Variants in AGBL4 observed in about 807,000 individuals in gnomAD.
AGBL4 encodes cytosolic carboxypeptidase 6.
AGBL4 carries 58 observed loss-of-function variants against 66.4 expected under a neutral mutation model. The observed-to-expected ratio is 0.87, with a 90% CI of 0.71 to 1.09. The LOEUF (loss-of-function observed/expected upper bound fraction) is 1.09. Ranked by LOEUF, AGBL4 falls within the 50% of genes least tolerant of loss-of-function variation. The pLI is 0.00. For missense variants in AGBL4, 579 were observed against 631.0 expected (o/e 0.92, Z 0.88); for synonymous variants, 234 against 222.9 (o/e 1.05, Z -0.44).
At chr1:49,233,201 T>C (rs891027612) in intron 4 of AGBL4, among the ~76,000 whole-genome samples, 1 of 152,188 alleles carries the variant, frequency 6.6e-6, no homozygotes, top group African/African-American at 2.4e-5. Context: ...GGGAAAAACA[T>C]GGCCTTTGGA....
At chr1:49,331,819 T>C (rs1217275906) in intron 3 of AGBL4, among the ~76,000 whole-genome samples, 3 of 151,464 alleles carry the variant, frequency 2.0e-5, no homozygotes, top group Non-Finnish European at 4.4e-5. Flanking sequence ...GCCAGACTGC[T>C]TCTTTAAGTA....
At chr1:49,206,565 C>A (rs1648148780) in intron 4 of AGBL4, among the ~76,000 whole-genome samples, 1 of 151,994 alleles carries the variant, frequency 6.6e-6, no homozygotes, top group African/African-American at 2.4e-5. Flanking sequence ...TATACATATT[C>A]TTTTGCTGCA....
At chr1:49,381,238 T>G (rs1329925430) in intron 3 of AGBL4, among the ~76,000 whole-genome samples, 1 of 151,970 alleles carries the variant, frequency 6.6e-6, no homozygotes, top group East Asian at 1.9e-4. Context: ...AAAAAACACA[T>G]GAAAAAATGC....
chr1:48,919,220 G>A (rs1240042322), intron 5 of AGBL4, among the ~76,000 whole-genome samples: 1 of 152,136 alleles, frequency 6.6e-6, no homozygotes, highest in East Asian at 1.9e-4. Context: ...TTAAGCTATG[G>A]AACTCTCTGT....
chr1:48,620,025 T>C (rs1645384891), intron 9 of AGBL4, among the ~76,000 whole-genome samples: 1 of 151,896 alleles, frequency 6.6e-6, no homozygotes, highest in Non-Finnish European at 1.5e-5. Context: ...ATACCCAAAC[T>C]CTCGGAATGA....
intron 1 of AGBL4, among the ~76,000 whole-genome samples, chr1:50,013,345 G>C (rs933118080): frequency 6.6e-6 from 1 of 152,102 alleles, no homozygotes; most frequent in African/African-American, 2.4e-5. Context: ...ACCATGTGTA[G>C]TTTCTATTAA....
chr1:49,434,649 CT>C (rs1448161124), intron 3 of AGBL4, among the ~76,000 whole-genome samples: 14 of 150,488 alleles, frequency 9.3e-5, no homozygotes, highest in Non-Finnish European at 1.6e-4. Flanking sequence ...AAATTGCTAT[CT>C]GTTCTTGTGG....
At chr1:49,515,944 T>C (rs1570929369) in intron 3 of AGBL4, among the ~76,000 whole-genome samples, 1 of 149,782 alleles carries the variant, frequency 6.7e-6, no homozygotes, top group Admixed American at 6.7e-5. Flanking sequence ...TGTTAAATGA[T>C]GAGTTAATGG....
chr1:48,668,820 G>A (rs1427170215), intron 6 of AGBL4, among the ~76,000 whole-genome samples: 1 of 152,214 alleles, frequency 6.6e-6, no homozygotes, highest in Non-Finnish European at 1.5e-5. Flanking sequence ...ATTATAGTAA[G>A]AACATGGCCA....
intron 4 of AGBL4, among the ~76,000 whole-genome samples, chr1:49,046,846 G>A (rs748495340): frequency 1.3e-5 from 2 of 152,178 alleles, no homozygotes; most frequent in Non-Finnish European, 2.9e-5. Flanking sequence ...AGGAAGGGAT[G>A]CTCCTGGGGA....
chr1:48,996,817 C>CCCTCCCTTCCTTCCTT (rs552565325), intron 5 of AGBL4, among the ~76,000 whole-genome samples: 31 of 147,866 alleles, frequency 2.1e-4, no homozygotes, highest in African/African-American at 7.3e-4. Flanking sequence ...CTTCCTTCCT[C>CCCTCCCTTCCTTCCTT]CCTTCCTTCC....
chr1:49,019,292 G>T (rs548193554), intron 5 of AGBL4, among the ~76,000 whole-genome samples: 1 of 152,058 alleles, frequency 6.6e-6, no homozygotes, highest in African/African-American at 2.4e-5. Context: ...TGTACCTTGG[G>T]GACAATAACA....
At chr1:49,915,752 AG>A (rs1271395994) in intron 1 of AGBL4, among the ~76,000 whole-genome samples, 2 of 152,112 alleles carry the variant, frequency 1.3e-5, no homozygotes, top group Non-Finnish European at 2.9e-5. Context: ...TCTCCCAGCA[AG>A]GAGTCTGAGA....
chr1:49,789,148 G>T (rs1050297530), intron 2 of AGBL4, among the ~76,000 whole-genome samples: 1 of 152,170 alleles, frequency 6.6e-6, no homozygotes, highest in Non-Finnish European at 1.5e-5. Context: ...TACATTTATT[G>T]ATTTGAGTAT....
At chr1:48,646,792 A>C (rs319956) in intron 8 of AGBL4, among the ~76,000 whole-genome samples, 86,935 of 151,398 alleles carry the variant, frequency 0.57, 25,201 homozygotes, top group Middle Eastern at 0.69. Context: ...TTCCGTGGTA[A>C]TTATGTGCTT....
intron 11 of AGBL4, among the ~76,000 whole-genome samples, chr1:48,570,915 C>T (rs1389883757): frequency 1.3e-5 from 2 of 152,176 alleles, no homozygotes; most frequent in Non-Finnish European, 2.9e-5. Flanking sequence ...CATCTGGCTT[C>T]GTGTGCCTCT....
intron 3 of AGBL4, among the ~76,000 whole-genome samples, chr1:49,604,754 C>T (rs1452808945): frequency 1.3e-5 from 2 of 152,024 alleles, no homozygotes; most frequent in Non-Finnish European, 2.9e-5. Context: ...TGCTCTCTCT[C>T]CCCCATTTCC....
intron 11 of AGBL4, among the ~76,000 whole-genome samples, chr1:48,577,203 CT>C: frequency 6.6e-6 from 1 of 152,192 alleles, no homozygotes. Flanking sequence ...TCTTCCCACA[CT>C]TGTGCAATAA....
chr1:49,493,095 GA>G (rs1647238792), intron 3 of AGBL4, among the ~76,000 whole-genome samples: 2 of 152,076 alleles, frequency 1.3e-5, no homozygotes, highest in East Asian at 3.9e-4. Context: ...CTGTCCCCAT[GA>G]TTAAATTGCC....
Sources: gnomAD v4.1 joint callset for allele counts (sites outside exome capture counted in the v4.1 genomes callset) on GRCh38, gnomAD v4.1.1 for gene constraint, MANE v1.5 for transcripts, NCBI Gene and HGNC (gene_info 2026-07-23, HGNC 2026-07-21) for gene names.